The following MANEA variants were observed in gnomAD, a reference collection of about 807,000 sequenced individuals.
MANEA encodes the protein glycoprotein endo-alpha-1,2-mannosidase.
Under a neutral mutation model 36.8 loss-of-function variants are expected in MANEA, and 25 were observed. That is an observed-to-expected ratio of 0.68 (90% CI 0.50 to 0.95). The LOEUF is 0.95. MANEA is among the 40% of genes least tolerant of loss of function. The pLI is 0.00. For synonymous variants in MANEA, 198 were observed against 188.5 expected, an observed-to-expected ratio of 1.05 and a Z score of -0.41; for missense variants, 565 against 558.8, an observed-to-expected ratio of 1.01 and a Z score of -0.11.
intron 2 of MANEA, among the ~76,000 whole-genome samples, chr6:95,593,464 T>C (rs1391006137): frequency 6.6e-6 from 1 of 152,138 alleles, no homozygotes; most frequent in Non-Finnish European, 1.5e-5. Flanking sequence ...AAGAATGGGA[T>C]GGTTAATTTA....
At position 95,604,759 on chromosome 6, in the gene MANEA, A is replaced by G. The variant is rs1046142981; in HGVS notation, c.655-68A>G. On this transcript the variant is annotated intron_variant, in intron 3 of 4. Transcript: ENST00000358812. ...TTAAATCAGTTACTTTATTAAATAT[A>G]TTAAGTATACTTCTAATTTTACATT... 1.5e-4 allele frequency: 96 copies of G among 629,148 alleles called. 1 individual carries two copies. In the South Asian group the frequency reaches 2.1e-3, roughly 14 times the overall value. 39.0% of individuals were successfully genotyped at this position (629,148 alleles called of 1,614,324 possible).
intron 1 of MANEA, among the ~76,000 whole-genome samples, chr6:95,581,678 C>T (rs1769185087): frequency 6.6e-6 from 1 of 152,176 alleles, no homozygotes; most frequent in South Asian, 2.1e-4. Context: ...CTAAGTGTGA[C>T]TGATTTGAAT....
chr6:95,590,931 C>G (rs1448054421), intron 2 of MANEA, among the ~76,000 whole-genome samples: 1 of 152,132 alleles, frequency 6.6e-6, no homozygotes, highest in Non-Finnish European at 1.5e-5. Flanking sequence ...AAAGGACTGC[C>G]TAATATATAT....
Position 95,609,405 on chromosome 6 carries a change from G to A in MANEA, c.*3000G>A, listed in dbSNP as rs1769783583. 6.6e-6 allele frequency: 1 copy of A among 151,524 alleles called. No individual in the cohort carries two copies. Among genetic ancestry groups the A allele is most frequent in the Non-Finnish European group, 1.5e-5 (1 of 67,586 alleles). The allele number at this position is 151,524 out of a possible 1,614,324, so 9.4% of individuals were successfully genotyped here. On this transcript the variant is annotated 3_prime_UTR_variant, in exon 5 of 5. Coordinates refer to ENST00000358812, the MANE Select transcript of MANEA (RefSeq NM_024641.4). ...ATTAAAAATTACTATTTTGTTATATGGAATGGTTAATTTTTACCTAATAAA... is the reference window on the plus strand; with the variant it reads ...ATTAAAAATTACTATTTTGTTATATAGAATGGTTAATTTTTACCTAATAAA...
At chr6:95,590,814 T>C (rs531680603) in intron 2 of MANEA, among the ~76,000 whole-genome samples, 93 of 152,336 alleles carry the variant, frequency 6.1e-4, no homozygotes, top group African/African-American at 1.6e-3. Flanking sequence ...ACCACTGATA[T>C]TCCCTATGTT....
chr6:95,590,966 C>T (rs967699819), intron 2 of MANEA, among the ~76,000 whole-genome samples: 2 of 152,146 alleles, frequency 1.3e-5, no homozygotes, highest in African/African-American at 2.4e-5. Flanking sequence ...GTCCCTCACT[C>T]TCTCTCTTTG....
At chr6:95,605,474 G>A (rs73757410) in intron 4 of MANEA, among the ~76,000 whole-genome samples, 3,768 of 152,252 alleles carry the variant, frequency 0.025, 159 homozygotes, top group African/African-American at 0.087. Context: ...TATTTATAAT[G>A]TAGAGACATA....
intron 2 of MANEA, among the ~76,000 whole-genome samples, chr6:95,594,602 CTTAA>C (rs1212835197): frequency 6.6e-6 from 1 of 152,020 alleles, no homozygotes; most frequent in African/African-American, 2.4e-5. Flanking sequence ...TCTTTGTGTT[CTTAA>C]TTATCTTTGA....
intron 1 of MANEA, among the ~76,000 whole-genome samples, chr6:95,579,920 C>A (rs1395922268): frequency 6.6e-6 from 1 of 152,090 alleles, no homozygotes; most frequent in African/African-American, 2.4e-5. Flanking sequence ...TGAGTAGGTC[C>A]CTGCCTTGGA....
Position 95,606,437 on chromosome 6 carries a change from T to G in MANEA, c.*32T>G. 4 of 1,490,356 alleles carry G rather than the reference T, an allele frequency of 2.7e-6. No homozygotes were observed. The highest frequency in any genetic ancestry group is 3.6e-6 in the Non-Finnish European group (4 of 1,116,974). The allele number at this position is 1,490,356 out of a possible 1,614,324, so 92.3% of individuals were successfully genotyped here. A position where few individuals can be genotyped will look rare whatever the true frequency, so the allele number is the denominator to read the frequency against. On this transcript the variant is annotated 3_prime_UTR_variant, in exon 5 of 5. Coordinates refer to ENST00000358812, the MANE Select transcript of MANEA (RefSeq NM_024641.4). ...GATTAAAGTTTAATAGTTATCAAAA[T>G]CACCTAATTTTTAAAAATAGCTTTC...
intron 1 of MANEA, among the ~76,000 whole-genome samples, chr6:95,583,224 A>G (rs1431918319): frequency 2.6e-5 from 4 of 152,178 alleles, no homozygotes; most frequent in Non-Finnish European, 5.9e-5. Context: ...GATGGAATGC[A>G]GGGATGGGTA....
At chr6:95,580,961 T>C (rs999513469) in intron 1 of MANEA, among the ~76,000 whole-genome samples, 24 of 152,106 alleles carry the variant, frequency 1.6e-4, no homozygotes, top group Non-Finnish European at 3.4e-4. Context: ...TTAATCATCA[T>C]CATAAACAAT....
At chr6:95,600,559 T>G (rs1206766960) in intron 3 of MANEA, among the ~76,000 whole-genome samples, 1 of 152,228 alleles carries the variant, frequency 6.6e-6, no homozygotes, top group East Asian at 1.9e-4. Flanking sequence ...AACTTTCCCT[T>G]TTCTTGCTAA....
In MANEA at chr6:95,609,428, A is replaced by G. The variant is rs1769784078; in HGVS notation, c.*3023A>G. 6.6e-6 allele frequency: 1 copy of G among 151,706 alleles called. No individual in the cohort carries two copies. The highest frequency in any genetic ancestry group is 1.5e-5 in the Non-Finnish European group (1 of 67,666). 9.4% of individuals were successfully genotyped at this position (151,706 alleles called of 1,614,324 possible). On this transcript the variant is annotated 3_prime_UTR_variant, in exon 5 of 5. Coordinates refer to ENST00000358812, the MANE Select transcript of MANEA (RefSeq NM_024641.4). ...ATGGAATGGTTAATTTTTACCTAAT[A>G]AAAACATAGATGAAATACATTGTAT...
At chr6:95,596,359 A>AG (rs1769483553) in intron 2 of MANEA, among the ~76,000 whole-genome samples, 1 of 152,186 alleles carries the variant, frequency 6.6e-6, no homozygotes, top group African/African-American at 2.4e-5. Flanking sequence ...GTGAATAAAA[A>AG]TCTTTCAATA....
chr6:95,604,530 C>A (rs1005483280), intron 3 of MANEA, among the ~76,000 whole-genome samples: 8 of 151,958 alleles, frequency 5.3e-5, no homozygotes, highest in Non-Finnish European at 1.0e-4. Flanking sequence ...ACTGGGTGAC[C>A]TGGAACAACT....
rs777934143 is a variant in MANEA, at chr6:95,595,359, TCCTCTGGCTAG to T, written c.545-1375_545-1365del. Among the ~76,000 whole-genome samples, 45 of 152,294 alleles carry T rather than the reference TCCTCTGGCTAG, an allele frequency of 3.0e-4. 1 individual carries two copies. In the East Asian group the frequency reaches 5.0e-3, roughly 17 times the overall value. The stretch of plus-strand genomic sequence containing the variant: ...CAGCATTTCTCTCTAGGATATGCCT[TCCTCTGGCTAG>T]CCAGTTTCCCTAAAGCCTCATATGT... On this transcript the variant is annotated intron_variant, in intron 2 of 4. Transcript: ENST00000358812.
At chr6:95,577,667 G>A (rs1462854938) in intron 1 of MANEA, 29 bp downstream of exon 1, 1 of 152,254 alleles carries the variant, frequency 6.6e-6, no homozygotes, top group African/African-American at 2.4e-5. Flanking sequence ...CAGACCTCTT[G>A]GAGGCGGCGG....
intron 2 of MANEA, among the ~76,000 whole-genome samples, chr6:95,588,770 A>G (rs557635082): frequency 1.3e-5 from 2 of 151,728 alleles, no homozygotes; most frequent in South Asian, 2.1e-4. Context: ...TATAACTAAT[A>G]TTAATACATA....
Sources: allele counts gnomAD v4.1 joint callset (sites outside exome capture counted in the v4.1 genomes callset), GRCh38; gene constraint gnomAD v4.1.1; transcripts MANE v1.5; gene names NCBI Gene and HGNC (gene_info 2026-07-23, HGNC 2026-07-21).